NFYC: variants seen among roughly 807,000 people sequenced by gnomAD.
NFYC encodes CAAT box DNA-binding protein subunit C.
A neutral mutation model predicts 53.1 loss-of-function variants in NFYC; 25 were observed. The observed-to-expected ratio is 0.47, with a 90% confidence interval of 0.34 to 0.66. The LOEUF (loss-of-function observed/expected upper bound fraction) is 0.66, where lower values mean the gene tolerates loss of function less well. Among genes scored for constraint, NFYC ranks in the 30% least tolerant of loss-of-function variants. The probability of loss-of-function intolerance (pLI) is 0.01; values close to 1 mark genes in which losing one functional copy is unlikely to be tolerated. For missense variants in NFYC, 260 were observed against 422.7 expected (o/e 0.62, Z 3.38); for synonymous variants, 145 against 152.6 (o/e 0.95, Z 0.37).
At chr1:40,760,328 A>G (rs897872892) in intron 6 of NFYC, among the ~76,000 whole-genome samples, 2 of 152,152 alleles carry the variant, frequency 1.3e-5, no homozygotes, top group Admixed American at 1.3e-4. Context: ...TCACTTTGGG[A>G]GGCCAAAGCA....
At chr1:40,711,823 A>G (rs937348567) in intron 1 of NFYC, among the ~76,000 whole-genome samples, 5 of 152,190 alleles carry the variant, frequency 3.3e-5, no homozygotes, top group African/African-American at 1.2e-4. Context: ...GATGGGGTCT[A>G]GAGATATGGA....
intron 1 of NFYC, among the ~76,000 whole-genome samples, chr1:40,737,580 C>T (rs1191339161): frequency 1.3e-5 from 2 of 152,112 alleles, no homozygotes; most frequent in Non-Finnish European, 2.9e-5. Flanking sequence ...CCACCTGCCT[C>T]GGCTTCCCAG....
At chr1:40,729,913 T>A (rs1644687976) in intron 1 of NFYC, among the ~76,000 whole-genome samples, 1 of 152,136 alleles carries the variant, frequency 6.6e-6, no homozygotes, top group Non-Finnish European at 1.5e-5. Context: ...TGACCTCAGG[T>A]GATCCACCCG....
Position 40,753,154 on chromosome 1 carries a change from AATG to A in NFYC, c.298_300del (p.Asp100del). ...ACACCGCTCTTCTTTGTTACAGAGAAATGATATCGCCATGGCAATTACAAAATT... is the reference window on the plus strand; with the variant it reads ...ACACCGCTCTTCTTTGTTACAGAGAAATATCGCCATGGCAATTACAAAATT... On this transcript the variant is annotated inframe_deletion, in exon 5 of 10. Transcript: ENST00000447388. The A allele has an allele frequency of 6.2e-7, 1 of 1,610,708 alleles. No individual in the cohort carries two copies. Among genetic ancestry groups the A allele is most frequent in the Non-Finnish European group, 8.5e-7 (1 of 1,177,110 alleles).
chr1:40,715,086 C>A (rs199701567), intron 1 of NFYC, among the ~76,000 whole-genome samples: 2 of 142,528 alleles, frequency 1.4e-5, no homozygotes, highest in Non-Finnish European at 3.0e-5. Context: ...TGTCTCAAAA[C>A]AATAAATAAA....
intron 1 of NFYC, among the ~76,000 whole-genome samples, chr1:40,698,893 C>T (rs1206323242): frequency 6.6e-6 from 1 of 151,942 alleles, no homozygotes; most frequent in East Asian, 1.9e-4. Context: ...GGCCGGGCGC[C>T]GTGGCTCACA....
chr1:40,708,138 A>G (rs1418250153), intron 1 of NFYC, among the ~76,000 whole-genome samples: 1 of 152,186 alleles, frequency 6.6e-6, no homozygotes, highest in Admixed American at 6.5e-5. Flanking sequence ...TATTATACAT[A>G]ACCTAGCGAT....
chr1:40,719,163 C>T (rs1644246898), intron 1 of NFYC, among the ~76,000 whole-genome samples: 1 of 152,264 alleles, frequency 6.6e-6, no homozygotes, highest in South Asian at 2.1e-4. Flanking sequence ...GCCACGGCGC[C>T]TGGCCCATGG....
intron 1 of NFYC, among the ~76,000 whole-genome samples, chr1:40,737,953 AGTGCAGT>A (rs1645137388): frequency 7.4e-6 from 1 of 134,430 alleles, no homozygotes; most frequent in Non-Finnish European, 1.5e-5. Context: ...CCCAGGCTGG[AGTGCAGT>A]GGCGGGATCT....
chr1:40,758,134 A>C lies in NFYC; in HGVS notation c.401A>C (p.Gln134Pro). 6.2e-7 allele frequency: 1 copy of C among 1,611,902 alleles called. No individual in the cohort carries two copies. Among genetic ancestry groups the C allele is most frequent in the Non-Finnish European group, 8.5e-7 (1 of 1,179,868 alleles). Residue 134 changes from glutamine to proline, a missense_variant, in exon 6 of 10, where the codon CAG becomes CCG. Gln to Pro is a moderately conservative substitution (Grantham distance 76). Transcript: ENST00000447388. Reference protein sequence around the residue: ...KPPKRQEEVRQSVTPAEPVQY... With the variant: ...KPPKRQEEVRPSVTPAEPVQY... ...TCCACCCAACAGGAGGAGGTGCGCC[A>C]GTCTGTAACTCCTGCCGAGCCAGTC...
At chr1:40,700,877 C>G (rs540910535) in intron 1 of NFYC, among the ~76,000 whole-genome samples, 8 of 152,098 alleles carry the variant, frequency 5.3e-5, no homozygotes, top group Non-Finnish European at 1.2e-4. Context: ...CGTTAGTGGT[C>G]TAGAGTGCTG....
At chr1:40,691,944 T>C in intron 1 of NFYC, 77 bp downstream of exon 1, 3 of 330,194 alleles carry the variant, frequency 9.1e-6, no homozygotes, top group South Asian at 2.2e-5. Context: ...GCTTCCCGCC[T>C]TCGCCAGAGA....
At chr1:40,760,657 T>C (rs1035469572) in intron 6 of NFYC, among the ~76,000 whole-genome samples, 1 of 151,992 alleles carries the variant, frequency 6.6e-6, no homozygotes, top group African/African-American at 2.4e-5. Context: ...GAGGCGGATG[T>C]TGCAGTAAGC....
chr1:40,699,928 C>A (rs1643347942), intron 1 of NFYC, among the ~76,000 whole-genome samples: 1 of 152,148 alleles, frequency 6.6e-6, no homozygotes. Flanking sequence ...TTGCCTATGA[C>A]CCTTCAAGAG....
intron 1 of NFYC, among the ~76,000 whole-genome samples, chr1:40,705,708 A>G (rs1643662609): frequency 6.6e-6 from 1 of 152,214 alleles, no homozygotes; most frequent in African/African-American, 2.4e-5. Context: ...TAACTGGCAT[A>G]TCAAATTTAA....
At chr1:40,748,895 T>C (rs763150683) in intron 3 of NFYC, among the ~76,000 whole-genome samples, 4 of 152,212 alleles carry the variant, frequency 2.6e-5, no homozygotes, top group African/African-American at 4.8e-5. Context: ...CCCAGAGTGA[T>C]AGGACCAAGA....
At chr1:40,724,417 A>G (rs1174277982) in intron 1 of NFYC, among the ~76,000 whole-genome samples, 4 of 152,216 alleles carry the variant, frequency 2.6e-5, no homozygotes, top group Non-Finnish European at 4.4e-5. Flanking sequence ...TCTTCCAGTG[A>G]AACTGTTTCT....
chr1:40,701,104 T>G (rs1369582207), intron 1 of NFYC, among the ~76,000 whole-genome samples: 1 of 152,168 alleles, frequency 6.6e-6, no homozygotes, highest in Non-Finnish European at 1.5e-5. Context: ...CTGTATACCT[T>G]TCTTTTTTTT....
At chr1:40,738,082 T>G (rs969058030) in intron 1 of NFYC, among the ~76,000 whole-genome samples, 1 of 152,006 alleles carries the variant, frequency 6.6e-6, no homozygotes, top group East Asian at 1.9e-4. Flanking sequence ...TTTTGTATTT[T>G]TAGTAGAGAC....
Sources: gnomAD v4.1 joint callset for allele counts (sites outside exome capture counted in the v4.1 genomes callset) on GRCh38, gnomAD v4.1.1 for gene constraint, MANE v1.5 for transcripts, NCBI Gene and HGNC (gene_info 2026-07-23, HGNC 2026-07-21) for gene names.